NSUN6: variants seen among roughly 807,000 people sequenced by gnomAD.
The protein encoded by NSUN6 is NOP2/Sun RNA methyltransferase 6.
In NSUN6, 64 loss-of-function variants were observed where a neutral mutation model predicts 58.0. The ratio of observed to expected loss-of-function variants is 1.10; its 90% confidence interval spans 0.90 to 1.36. The LOEUF (loss-of-function observed/expected upper bound fraction) is 1.36, where lower values mean the gene tolerates loss of function less well. Ranked by LOEUF, NSUN6 falls within the 40% of genes most tolerant of loss-of-function variation. The pLI, the probability that NSUN6 is intolerant of heterozygous loss-of-function variation, is 0.00. For synonymous variants in NSUN6, 231 were observed against 193.9 expected (o/e 1.19, Z -1.59); for missense variants, 701 against 550.1 (o/e 1.27, Z -2.74).
intron 2 of NSUN6, among the ~76,000 whole-genome samples, chr10:18,646,362 C>T (rs1355941600): frequency 1.3e-5 from 2 of 152,146 alleles, no homozygotes; most frequent in African/African-American, 4.8e-5. Context: ...CACTTTCTTA[C>T]TAGAATCGGG....
In NSUN6 at chr10:18,651,310, G is replaced by A. The variant is rs1428223564; in HGVS notation, c.-107C>T. On this transcript the variant is annotated 5_prime_UTR_variant, in exon 1 of 11. Transcript: ENST00000377304. ...GACGAGTGTCTTGACACCAGATGCTGAGGAAAATCTTGCCGATCACGCTGA... is the reference window on the plus strand; with the variant it reads ...GACGAGTGTCTTGACACCAGATGCTAAGGAAAATCTTGCCGATCACGCTGA... The A allele has an allele frequency of 2.1e-6, 3 of 1,421,462 alleles. No homozygotes were observed. In the East Asian group the frequency reaches 8.0e-5, roughly 38 times the overall value. 88.1% of individuals were successfully genotyped at this position (1,421,462 alleles called of 1,614,324 possible).
upstream of NSUN6, chr10:18,651,732 G>A: frequency 1.2e-5 from 12 of 985,478 alleles, no homozygotes; most frequent in Non-Finnish European, 1.4e-5. Flanking sequence ...GCTACGCCAC[G>A]CCCCCGGAGG....
At chr10:18,645,281 C>T (rs1353917541) in intron 2 of NSUN6, among the ~76,000 whole-genome samples, 1 of 151,542 alleles carries the variant, frequency 6.6e-6, no homozygotes. Flanking sequence ...ATAGTGACAC[C>T]TTTGCTTTCT....
intron 8 of NSUN6, 36 bp from the exon 9 acceptor site, chr10:18,552,007 C>A: frequency 2.9e-6 from 4 of 1,356,848 alleles, no homozygotes; most frequent in Non-Finnish European, 4.1e-6. Context: ...TACTATCTTC[C>A]ATATAGGTTT....
At position 18,616,195 on chromosome 10, in the gene NSUN6, G is replaced by A. The variant is rs772354397; in HGVS notation, c.410C>T (p.Ser137Leu). ...AACATTATACTTACATTGTGATGCT[G>A]ACACAATTCCTGGGGCATAGACATG... ...GAHVYAPGIV[S>L]ASQFMKAGDV... The change falls in exon 4 of 11, where the codon TCA becomes TTA. Residue 137 changes from serine (S) to leucine (L), a missense_variant. Ser to Leu is a moderately radical substitution (Grantham distance 145). Transcript: ENST00000377304. 1 of 1,549,444 alleles carries A rather than the reference G, an allele frequency of 6.5e-7. No homozygotes were observed. Among genetic ancestry groups the A allele is most frequent in the Non-Finnish European group, 8.9e-7 (1 of 1,121,632 alleles).
At chr10:18,600,959 T>TATATATACAC in intron 6 of NSUN6, among the ~76,000 whole-genome samples, 5 of 64,924 alleles carry the variant, frequency 7.7e-5, no homozygotes, top group Non-Finnish European at 1.2e-4. Context: ...TATATATATA[T>TATATATACAC]ACATATATAT....
intron 8 of NSUN6, among the ~76,000 whole-genome samples, chr10:18,585,597 C>T (rs1273066716): frequency 2.0e-5 from 3 of 152,094 alleles, no homozygotes; most frequent in Admixed American, 2.0e-4. Context: ...AGTGGGGAAT[C>T]TAAAAAAGTC....
Position 18,651,251 on chromosome 10 carries a change from G to A in NSUN6, c.-48C>T, listed in dbSNP as rs1564854090. On this transcript the variant is annotated 5_prime_UTR_variant, in exon 1 of 11. Coordinates refer to ENST00000377304, the MANE Select transcript of NSUN6 (RefSeq NM_182543.5). ...ACCAAGAGAAATGCTGGAAAACGGTGTTTTGTTTTTTTTTTTCTTTCCGAA... is the reference window on the plus strand; with the variant it reads ...ACCAAGAGAAATGCTGGAAAACGGTATTTTGTTTTTTTTTTTCTTTCCGAA... 6.8e-7 allele frequency: 1 copy of A among 1,474,536 alleles called. No individual in the cohort carries two copies. Among genetic ancestry groups the A allele is most frequent in the Non-Finnish European group, 9.0e-7 (1 of 1,115,508 alleles). 91.3% of individuals were successfully genotyped at this position (1,474,536 alleles called of 1,614,324 possible).
chr10:18,610,975 A>G (rs1465529936), intron 5 of NSUN6, among the ~76,000 whole-genome samples: 1 of 152,152 alleles, frequency 6.6e-6, no homozygotes, highest in South Asian at 2.1e-4. Flanking sequence ...AGACTGGCAC[A>G]GGAGGATCAC....
At chr10:18,565,268 T>C (rs1435417986) in intron 8 of NSUN6, among the ~76,000 whole-genome samples, 1 of 150,550 alleles carries the variant, frequency 6.6e-6, no homozygotes, top group African/African-American at 2.4e-5. Flanking sequence ...TCCAGTTCAT[T>C]CCGTAATCAA....
intron 8 of NSUN6, among the ~76,000 whole-genome samples, chr10:18,576,743 C>T (rs938425370): frequency 6.6e-6 from 1 of 152,142 alleles, no homozygotes; most frequent in African/African-American, 2.4e-5. Flanking sequence ...AAGAGCTTAC[C>T]AGTCAGTCAG....
chr10:18,653,878 C>T (rs976765438), upstream of NSUN6, among the ~76,000 whole-genome samples: 1 of 152,130 alleles, frequency 6.6e-6, no homozygotes, highest in African/African-American at 2.4e-5. Flanking sequence ...TTCATATGGG[C>T]GACATGGCTC....
At chr10:18,595,995 A>T (rs2057569780) in intron 7 of NSUN6, among the ~76,000 whole-genome samples, 1 of 152,226 alleles carries the variant, frequency 6.6e-6, no homozygotes, top group African/African-American at 2.4e-5. Context: ...TAATCATATA[A>T]GCAAATTGTA....
At chr10:18,584,468 T>A (rs2057039848) in intron 8 of NSUN6, among the ~76,000 whole-genome samples, 1 of 152,154 alleles carries the variant, frequency 6.6e-6, no homozygotes, top group African/African-American at 2.4e-5. Flanking sequence ...AATCAGGTTT[T>A]TGGTTACAAT....
intron 8 of NSUN6, among the ~76,000 whole-genome samples, chr10:18,554,606 T>C (rs1213833490): frequency 1.4e-5 from 2 of 144,190 alleles, no homozygotes; most frequent in Non-Finnish European, 3.1e-5. Flanking sequence ...TGGACTGTAG[T>C]GGAAAAAGGA....
chr10:18,564,875 C>T (rs1406305463), intron 8 of NSUN6, among the ~76,000 whole-genome samples: 1 of 150,184 alleles, frequency 6.7e-6, no homozygotes, highest in African/African-American at 2.5e-5. Context: ...CCATTCCAGT[C>T]TCCATTCCAT....
At chr10:18,605,799 A>G (rs944958066) in intron 6 of NSUN6, among the ~76,000 whole-genome samples, 1 of 152,192 alleles carries the variant, frequency 6.6e-6, no homozygotes. Context: ...ACATCATACA[A>G]CCTAAGGATT....
Position 18,546,048 on chromosome 10 carries a change from G to A in NSUN6, c.1295C>T (p.Pro432Leu), listed in dbSNP as rs748831130. Reference sequence around the variant, plus strand: ...TCTAAGAGAGTCCATGTCAGTGTCCGGTAATGGCACAGCCGATGGATCAAA... The same window carrying A: ...TCTAAGAGAGTCCATGTCAGTGTCCAGTAATGGCACAGCCGATGGATCAAA... ...QRFDPSAVPL[P>L]DTDMDSLREA... is the part of the protein sequence containing the mutation. The change falls in exon 11 of 11, where the codon CCG (proline) becomes CTG (leucine). Residue 432 changes from proline to leucine, a missense_variant. Transcript: ENST00000377304. 2.8e-5 allele frequency: 45 copies of A among 1,602,772 alleles called. No individual in the cohort carries two copies. The highest frequency in any genetic ancestry group is 1.7e-4 in the Middle Eastern group (1 of 5,992).
At chr10:18,631,178 A>G (rs1303779784) in intron 3 of NSUN6, among the ~76,000 whole-genome samples, 1 of 152,206 alleles carries the variant, frequency 6.6e-6, no homozygotes, top group Non-Finnish European at 1.5e-5. Flanking sequence ...ACAGATGCAG[A>G]AAAGGCCTTT....
Sources: allele counts gnomAD v4.1 joint callset (sites outside exome capture counted in the v4.1 genomes callset), GRCh38; gene constraint gnomAD v4.1.1; transcripts MANE v1.5; gene names NCBI Gene and HGNC (gene_info 2026-07-23, HGNC 2026-07-21).